GNB5: variants seen among roughly 807,000 people sequenced by gnomAD.
The protein encoded by GNB5 is G protein subunit beta 5.
GNB5 carries 37 observed loss-of-function variants against 55.3 expected under a neutral mutation model. The observed-to-expected ratio is 0.67, with a 90% CI of 0.51 to 0.88. The LOEUF is 0.88. GNB5 is among the 40% of genes least tolerant of loss of function. The pLI, the probability that GNB5 is intolerant of heterozygous loss-of-function variation, is 0.00. For missense variants in GNB5, 476 were observed against 515.3 expected (o/e 0.92, Z 0.74); for synonymous variants, 219 against 198.5 (o/e 1.10, Z -0.87).
intron 3 of GNB5, among the ~76,000 whole-genome samples, chr15:52,177,944 C>A (rs2034685254): frequency 1.3e-5 from 2 of 152,188 alleles, no homozygotes. Context: ...ACACTCTTGG[C>A]AGGACAAAAA....
At chr15:52,153,480 A>G (rs768569333) in intron 4 of GNB5, among the ~76,000 whole-genome samples, 8 of 152,204 alleles carry the variant, frequency 5.3e-5, no homozygotes, top group Admixed American at 2.0e-4. Context: ...GGAGGAATAG[A>G]TAACTAATAA....
Position 52,117,102 on chromosome 15 carries a change from A to ATATATATATATATATATATATATATAT in GNB5, c.*5654_*5655insATATATATATATATATATATATATATA. ...CCACGCCCAGCTAATATATATATAT[A>ATATATATATATATATATATATATATAT]TTTTTTTTTAGTACAGACAGGGTTT... is the stretch of plus-strand genomic sequence containing the variant. On this transcript the variant is annotated 3_prime_UTR_variant, in exon 13 of 13. Coordinates refer to ENST00000261837, the MANE Select transcript of GNB5 (RefSeq NM_016194.4). 1 of 87,102 alleles carries ATATATATATATATATATATATATATAT rather than the reference A, an allele frequency of 1.1e-5. No individual in the cohort carries two copies. Among genetic ancestry groups the ATATATATATATATATATATATATATAT allele is most frequent in the African/African-American group, 6.1e-5 (1 of 16,420 alleles). 5.4% of individuals were successfully genotyped at this position (87,102 alleles called of 1,614,324 possible). A position where few individuals can be genotyped will look rare whatever the true frequency, so the allele number is the denominator to read the frequency against.
chr15:52,136,756 TTG>T (rs2033734262), intron 7 of GNB5, among the ~76,000 whole-genome samples: 1 of 152,176 alleles, frequency 6.6e-6, no homozygotes, highest in Non-Finnish European at 1.5e-5. Context: ...TGCAGAAAGA[TTG>T]TGTCTCAGTT....
intron 3 of GNB5, among the ~76,000 whole-genome samples, chr15:52,157,531 A>G (rs1261638225): frequency 1.3e-5 from 2 of 152,168 alleles, no homozygotes; most frequent in Admixed American, 6.5e-5. Context: ...GGAGTGAGCC[A>G]CCGCGCCCAG....
At chr15:52,134,457 A>C (rs926674876) in intron 8 of GNB5, among the ~76,000 whole-genome samples, 3 of 152,180 alleles carry the variant, frequency 2.0e-5, no homozygotes, top group Non-Finnish European at 4.4e-5. Flanking sequence ...GAAACCAGAA[A>C]GGCCTTCACA....
At chr15:52,151,179 T>TA (rs1440631165) in intron 4 of GNB5, among the ~76,000 whole-genome samples, 2 of 152,134 alleles carry the variant, frequency 1.3e-5, no homozygotes, top group African/African-American at 4.8e-5. Flanking sequence ...GTGGATTCAG[T>TA]AAGCCTTTAG....
chr15:52,156,959 G>A (rs1431809790), intron 3 of GNB5, among the ~76,000 whole-genome samples: 4 of 146,028 alleles, frequency 2.7e-5, no homozygotes, highest in East Asian at 2.0e-4. Flanking sequence ...TTTTTGAGAC[G>A]GAGTCTCGCT....
At chr15:52,136,153 C>G (rs950803123) in intron 7 of GNB5, among the ~76,000 whole-genome samples, 4 of 138,012 alleles carry the variant, frequency 2.9e-5, no homozygotes, top group Middle Eastern at 3.7e-3. Context: ...CACACACACA[C>G]ACACACACAC....
At chr15:52,161,361 G>C (rs2034327451) in intron 3 of GNB5, among the ~76,000 whole-genome samples, 1 of 152,176 alleles carries the variant, frequency 6.6e-6, no homozygotes, top group South Asian at 2.1e-4. Flanking sequence ...GCAGTGGCGT[G>C]ATCTTGGCTC....
chr15:52,176,463 C>T lies in GNB5; in HGVS notation c.238+3305G>A, dbSNP rs118027712. On this transcript the variant is annotated intron_variant, in intron 3 of 12. Transcript: ENST00000261837. ...TTATACTTCCACAAGTAAAACTCATCAGCATCCTTTCCTCCCTTTCCCACC... is the reference window on the plus strand; with the variant it reads ...TTATACTTCCACAAGTAAAACTCATTAGCATCCTTTCCTCCCTTTCCCACC... Among the ~76,000 whole-genome samples, 117 of 152,320 alleles carry T rather than the reference C, an allele frequency of 7.7e-4. No individual in the cohort carries two copies. The East Asian group carries it at 0.022, about 29-fold the overall frequency.
intron 12 of GNB5, 139 bp from the exon 13 acceptor site, chr15:52,122,907 A>ACACAC: frequency 1.7e-6 from 1 of 604,584 alleles, no homozygotes; most frequent in Admixed American, 2.6e-5. Context: ...CACACACACA[A>ACACAC]ACATACACAC....
At chr15:52,185,213 C>T (rs1314639686) in intron 1 of GNB5, among the ~76,000 whole-genome samples, 3 of 152,244 alleles carry the variant, frequency 2.0e-5, no homozygotes, top group Admixed American at 1.3e-4. Flanking sequence ...GGGTCCCTGC[C>T]TGTTCACAAG....
intron 12 of GNB5, among the ~76,000 whole-genome samples, 200 bp from the exon 13 acceptor site, chr15:52,122,968 C>T (rs1480506256): frequency 2.9e-5 from 4 of 139,870 alleles, no homozygotes; most frequent in Admixed American, 2.7e-4. Flanking sequence ...CACTGTACTC[C>T]TAGCAATGCA....
intron 6 of GNB5, among the ~76,000 whole-genome samples, chr15:52,143,328 G>C (rs1048480809): frequency 1.3e-5 from 2 of 152,126 alleles, no homozygotes; most frequent in African/African-American, 2.4e-5. Flanking sequence ...AGGGTTATTC[G>C]CATTGCTATG....
intron 9 of GNB5, among the ~76,000 whole-genome samples, chr15:52,130,953 G>C (rs1238132652): frequency 1.3e-5 from 2 of 152,228 alleles, no homozygotes; most frequent in African/African-American, 4.8e-5. Flanking sequence ...AGCCTCCCAA[G>C]TAGCTGGTAT....
intron 4 of GNB5, among the ~76,000 whole-genome samples, chr15:52,150,277 G>C (rs2141211274): frequency 6.6e-6 from 1 of 152,212 alleles, no homozygotes; most frequent in East Asian, 1.9e-4. Flanking sequence ...AATTATACAG[G>C]GGAAAGATAA....
chr15:52,149,115 C>T (rs1258244574), intron 5 of GNB5, among the ~76,000 whole-genome samples: 3 of 152,182 alleles, frequency 2.0e-5, no homozygotes, highest in African/African-American at 7.2e-5. Context: ...AAAATGGTTT[C>T]GGCCCCTCAC....
In GNB5 at chr15:52,117,102, A is replaced by ATATATATATATATTTTTTTTTTTTTT; in HGVS notation, c.*5654_*5655insAAAAAAAAAAAAAATATATATATATA. ...CCACGCCCAGCTAATATATATATAT[A>ATATATATATATATTTTTTTTTTTTTT]TTTTTTTTTAGTACAGACAGGGTTT... On this transcript the variant is annotated 3_prime_UTR_variant, in exon 13 of 13. Transcript: ENST00000261837. The ATATATATATATATTTTTTTTTTTTTT allele has an allele frequency of 1.0e-4, 9 of 87,100 alleles. No individual in the cohort carries two copies. Among genetic ancestry groups the ATATATATATATATTTTTTTTTTTTTT allele is most frequent in the African/African-American group, 5.5e-4 (9 of 16,446 alleles). 5.4% of individuals were successfully genotyped at this position (87,100 alleles called of 1,614,324 possible). A position where few individuals can be genotyped will look rare whatever the true frequency, so the allele number is the denominator to read the frequency against.
chr15:52,140,822 G>A (rs2033834760), intron 7 of GNB5, among the ~76,000 whole-genome samples: 1 of 152,172 alleles, frequency 6.6e-6, no homozygotes. Flanking sequence ...ACACACGTTA[G>A]CACGCAGACC....
Sources: gnomAD v4.1 joint callset for allele counts (sites outside exome capture counted in the v4.1 genomes callset) on GRCh38, gnomAD v4.1.1 for gene constraint, MANE v1.5 for transcripts, NCBI Gene and HGNC (gene_info 2026-07-23, HGNC 2026-07-21) for gene names.